Variants in KHDRBS3 observed in about 807,000 individuals in gnomAD.
The protein encoded by KHDRBS3 is KH RNA binding domain containing, signal transduction associated 3.
KHDRBS3 carries 23 observed loss-of-function variants against 45.6 expected under a neutral mutation model. That is an observed-to-expected ratio of 0.50 (90% CI 0.36 to 0.72). KHDRBS3 has a LOEUF of 0.72. Among genes scored for constraint, KHDRBS3 ranks in the 30% least tolerant of loss-of-function variants. The probability of loss-of-function intolerance (pLI) is 0.00; values close to 1 mark genes in which losing one functional copy is unlikely to be tolerated. For synonymous variants in KHDRBS3, 162 were observed against 156.5 expected, an observed-to-expected ratio of 1.04 and a Z score of -0.26; for missense variants, 352 against 424.8, an observed-to-expected ratio of 0.83 and a Z score of 1.51.
intron 1 of KHDRBS3, among the ~76,000 whole-genome samples, chr8:135,511,531 C>CT (rs1360830193): frequency 6.6e-6 from 1 of 151,036 alleles, no homozygotes; most frequent in African/African-American, 2.4e-5. Flanking sequence ...AATATTTGCT[C>CT]TGTTTTTTTG....
At chr8:135,559,716 C>T (rs965225165) in intron 5 of KHDRBS3, among the ~76,000 whole-genome samples, 1 of 152,114 alleles carries the variant, frequency 6.6e-6, no homozygotes, top group Non-Finnish European at 1.5e-5. Flanking sequence ...CCCTACATTA[C>T]CAGTTTATGT....
chr8:135,586,411 T>A (rs565707643), intron 6 of KHDRBS3, among the ~76,000 whole-genome samples: 29 of 152,298 alleles, frequency 1.9e-4, no homozygotes, highest in African/African-American at 6.5e-4. Flanking sequence ...ATGCTGCATG[T>A]TCCCTTCATC....
At chr8:135,625,514 C>T (rs1586823609) in intron 7 of KHDRBS3, 7 of 817,896 alleles carry the variant, frequency 8.6e-6, no homozygotes, top group Non-Finnish European at 1.3e-5. Flanking sequence ...GGGAGCTGCA[C>T]TGCTAGAACT....
At chr8:135,583,266 T>C (rs1240384913) in intron 6 of KHDRBS3, among the ~76,000 whole-genome samples, 1 of 152,190 alleles carries the variant, frequency 6.6e-6, no homozygotes, top group East Asian at 1.9e-4. Context: ...CCCACTGAAT[T>C]ATATTTTAAC....
At chr8:135,565,145 G>C (rs983654334) in intron 5 of KHDRBS3, among the ~76,000 whole-genome samples, 4 of 152,148 alleles carry the variant, frequency 2.6e-5, no homozygotes, top group South Asian at 4.2e-4. Context: ...CATTGTTCGT[G>C]ATTCCCGCTA....
chr8:135,517,207 A>G (rs1446491559), intron 1 of KHDRBS3, among the ~76,000 whole-genome samples: 1 of 152,190 alleles, frequency 6.6e-6, no homozygotes, highest in Non-Finnish European at 1.5e-5. Context: ...ACATTTGCTT[A>G]TTATTTCTGA....
intron 1 of KHDRBS3, among the ~76,000 whole-genome samples, chr8:135,509,805 A>C (rs1429894312): frequency 6.6e-6 from 1 of 152,178 alleles, no homozygotes; most frequent in Admixed American, 6.5e-5. Context: ...TTTCTTAAGA[A>C]TTGTACAAAA....
chr8:135,593,067 G>A (rs1828819999), intron 6 of KHDRBS3, among the ~76,000 whole-genome samples: 1 of 152,068 alleles, frequency 6.6e-6, no homozygotes, highest in Non-Finnish European at 1.5e-5. Flanking sequence ...AAATAAACTT[G>A]TGTTCAGTGA....
At chr8:135,461,207 C>T (rs763407405) in intron 1 of KHDRBS3, among the ~76,000 whole-genome samples, 12 of 152,270 alleles carry the variant, frequency 7.9e-5, no homozygotes, top group East Asian at 5.8e-4. Context: ...TGGGTTTGCG[C>T]GATTCTCCCG....
intron 4 of KHDRBS3, among the ~76,000 whole-genome samples, chr8:135,552,310 C>T (rs149967854): frequency 7.0e-4 from 107 of 152,070 alleles, no homozygotes; most frequent in Middle Eastern, 3.4e-3. Flanking sequence ...GTTTTTCATC[C>T]GTTTTTCTCC....
intron 2 of KHDRBS3, among the ~76,000 whole-genome samples, chr8:135,530,423 AT>A (rs1314014891): frequency 6.6e-6 from 1 of 152,190 alleles, no homozygotes; most frequent in African/African-American, 2.4e-5. Context: ...TGAACTATAA[AT>A]TTCCATTAAA....
chr8:135,559,534 TGTATTTTTAATAGAGACGGG>T (rs1827067376), intron 5 of KHDRBS3, among the ~76,000 whole-genome samples: 2 of 151,412 alleles, frequency 1.3e-5, no homozygotes, highest in African/African-American at 4.9e-5. Context: ...TTTGTGTGTA[TGTATTTTTAATAGAGACGGG>T]GTTTCACCCT....
intron 7 of KHDRBS3, among the ~76,000 whole-genome samples, chr8:135,611,652 T>C (rs781371604): frequency 3.3e-5 from 5 of 152,042 alleles, no homozygotes; most frequent in Non-Finnish European, 7.3e-5. Flanking sequence ...AAATTTTCTT[T>C]TCTTTGAAGG....
intron 1 of KHDRBS3, among the ~76,000 whole-genome samples, chr8:135,518,748 A>G (rs1824754119): frequency 6.6e-6 from 1 of 150,472 alleles, no homozygotes; most frequent in Non-Finnish European, 1.5e-5. Context: ...AGTGTAGCTC[A>G]TTGATACCAT....
chr8:135,655,396 C>G (rs1831511428), intron 4 of KHDRBS3, among the ~76,000 whole-genome samples: 1 of 152,170 alleles, frequency 6.6e-6, no homozygotes. Flanking sequence ...AAGTCGAAAT[C>G]TTGCAAGCCA....
chr8:135,559,631 G>T (rs1827073029), intron 5 of KHDRBS3, among the ~76,000 whole-genome samples: 1 of 152,120 alleles, frequency 6.6e-6, no homozygotes, highest in African/African-American at 2.4e-5. Context: ...AAAGTGCTGG[G>T]ATTACAGGCG....
At chr8:135,462,957 T>C (rs527397668) in intron 1 of KHDRBS3, among the ~76,000 whole-genome samples, 120 of 152,244 alleles carry the variant, frequency 7.9e-4, no homozygotes, top group Non-Finnish European at 1.5e-3. Flanking sequence ...TAGCCTGTGC[T>C]GAATTGAAAG....
At position 135,628,959 on chromosome 8, in the gene KHDRBS3, T is replaced by G. The variant is rs573617260; in HGVS notation, c.891-16100T>G. ...CTAGAAGTCTTTGAAAGTGGAGAGA[T>G]AATCATTTCTCTCAGATGATTAAGA... On this transcript the variant is annotated intron_variant, in intron 7 of 8. Coordinates refer to ENST00000355849, the MANE Select transcript of KHDRBS3 (RefSeq NM_006558.3). Among the ~76,000 whole-genome samples the G allele has an allele frequency of 5.9e-5, 9 of 152,348 alleles. No homozygotes were observed. In the South Asian group the frequency reaches 1.7e-3, roughly 28 times the overall value.
rs532308376 is a variant in KHDRBS3 at position 135,612,210 on chromosome 8, A to G, written c.890+5173A>G. Reference sequence around the variant, plus strand: ...CAGCTCTCCTTTTGTCATGGTTTTGATTACAGTTGCTGGGACTCATTCCTG... The same window carrying G: ...CAGCTCTCCTTTTGTCATGGTTTTGGTTACAGTTGCTGGGACTCATTCCTG... On this transcript the variant is annotated intron_variant, in intron 7 of 8. Coordinates refer to ENST00000355849, the MANE Select transcript of KHDRBS3 (RefSeq NM_006558.3). Among the ~76,000 whole-genome samples the G allele has an allele frequency of 2.6e-5, 4 of 151,828 alleles. No homozygotes were observed. The South Asian group carries it at 6.2e-4, about 24-fold the overall frequency.
Sources: gnomAD v4.1 joint callset for allele counts (sites outside exome capture counted in the v4.1 genomes callset) on GRCh38, gnomAD v4.1.1 for gene constraint, MANE v1.5 for transcripts, NCBI Gene and HGNC (gene_info 2026-07-23, HGNC 2026-07-21) for gene names.